KHDRBS3: variants seen among roughly 807,000 people sequenced by gnomAD.
The protein encoded by KHDRBS3 is KH domain-containing, RNA-binding, signal transduction-associated protein 3.
In KHDRBS3, 23 loss-of-function variants were observed where a neutral mutation model predicts 45.6. The ratio of observed to expected loss-of-function variants is 0.50; its 90% CI spans 0.36 to 0.72. KHDRBS3 has a LOEUF of 0.72. KHDRBS3 is among the 30% of genes least tolerant of loss of function. The pLI is 0.00. For synonymous variants in KHDRBS3, 162 were observed against 156.5 expected (o/e 1.04, Z -0.26); for missense variants, 352 against 424.8 (o/e 0.83, Z 1.51).
intron 8 of KHDRBS3, among the ~76,000 whole-genome samples, chr8:135,646,421 G>T (rs1398904259): frequency 6.6e-6 from 1 of 152,158 alleles, no homozygotes; most frequent in African/African-American, 2.4e-5. Flanking sequence ...TATTCATGAA[G>T]TGCTATTGAG....
chr8:135,567,758 A>T (rs921352795), intron 5 of KHDRBS3, among the ~76,000 whole-genome samples: 1 of 152,240 alleles, frequency 6.6e-6, no homozygotes, highest in African/African-American at 2.4e-5. Flanking sequence ...TATATATTCC[A>T]TGTGGCCTTC....
At chr8:135,540,150 G>T (rs914531512) in intron 2 of KHDRBS3, 3 of 152,102 alleles carry the variant, frequency 2.0e-5, no homozygotes, top group African/African-American at 7.2e-5. Flanking sequence ...GAAATAAAAA[G>T]GCATAAATTT....
intron 4 of KHDRBS3, chr8:135,549,706 A>G (rs1258684157): frequency 6.6e-6 from 1 of 152,230 alleles, no homozygotes; most frequent in African/African-American, 2.4e-5. Context: ...ACATCTGCCA[A>G]GTAGTTCTCT....
chr8:135,464,750 T>G (rs1452777151), intron 1 of KHDRBS3, among the ~76,000 whole-genome samples: 13 of 152,106 alleles, frequency 8.5e-5, no homozygotes, highest in Non-Finnish European at 1.6e-4. Context: ...CTTAAAAGAG[T>G]AAGTCATTTT....
At chr8:135,527,819 A>G (rs1312004762) in intron 2 of KHDRBS3, among the ~76,000 whole-genome samples, 1 of 152,242 alleles carries the variant, frequency 6.6e-6, no homozygotes, top group Admixed American at 6.5e-5. Context: ...AATTATTTGA[A>G]AAAGCGAACC....
At chr8:135,528,116 A>G (rs1825284689) in intron 2 of KHDRBS3, among the ~76,000 whole-genome samples, 1 of 152,146 alleles carries the variant, frequency 6.6e-6, no homozygotes, top group Non-Finnish European at 1.5e-5. Flanking sequence ...AAGCATTCTC[A>G]TCTGTGTACA....
chr8:135,612,311 A>G (rs921587783), intron 7 of KHDRBS3, among the ~76,000 whole-genome samples: 10 of 151,942 alleles, frequency 6.6e-5, no homozygotes, highest in African/African-American at 2.4e-4. Context: ...ATTCTGCTTC[A>G]ATATGCACTA....
intron 7 of KHDRBS3, among the ~76,000 whole-genome samples, chr8:135,623,952 C>G (rs1372434403): frequency 4.6e-5 from 7 of 152,060 alleles, no homozygotes; most frequent in African/African-American, 1.4e-4. Flanking sequence ...TTTGCAGAGT[C>G]CTGCAAATGA....
At chr8:135,580,605 C>CTTTTT (rs11405340) in intron 5 of KHDRBS3, among the ~76,000 whole-genome samples, 17 of 128,868 alleles carry the variant, frequency 1.3e-4, no homozygotes, top group Non-Finnish European at 2.1e-4. Context: ...CTCTCTCTCT[C>CTTTTT]TTTTTTTTTT....
In KHDRBS3 at chr8:135,457,954, G is replaced by A. The variant is rs191294793; in HGVS notation, c.88G>A (p.Glu30Lys). ...GCACGCCCTGCGCCTGGTGAACCAA[G>A]GTGAGGCGCCGGCCGTTAACTGCCG... is the stretch of plus-strand genomic sequence containing the variant. The part of the protein sequence containing the change: ...FTHALRLVNQ[E>K]IEKFQKGEGK... The change falls in exon 1 of 9, where the codon GAA becomes AAA. Residue 30 changes from glutamate (E) to lysine (K), a missense_variant and splice_region_variant. Glu to Lys is a moderately conservative substitution (Grantham distance 56, BLOSUM62 1). This residue lies in a region of KHDRBS3 where 58 missense variants were observed against 64.5 expected (regional missense o/e 0.90). Coordinates refer to ENST00000355849, the MANE Select transcript of KHDRBS3 (RefSeq NM_006558.3). This position sits in a 1 kb window ranked among gnomAD's most constrained non-coding sequence, Gnocchi z 4.4. 1.9e-6 allele frequency: 3 copies of A among 1,592,150 alleles called. No individual in the cohort carries two copies. The Admixed American group carries it at 5.2e-5, about 27-fold the overall frequency.
At chr8:135,534,842 C>T (rs957552045) in intron 2 of KHDRBS3, among the ~76,000 whole-genome samples, 13 of 152,166 alleles carry the variant, frequency 8.5e-5, no homozygotes, top group Non-Finnish European at 1.9e-4. Context: ...TTCTGCTTTT[C>T]TCATCTTGGA....
intron 7 of KHDRBS3, among the ~76,000 whole-genome samples, chr8:135,639,407 A>T (rs1467284858): frequency 6.6e-6 from 1 of 152,194 alleles, no homozygotes; most frequent in Non-Finnish European, 1.5e-5. Context: ...TATTTGAAGG[A>T]TCATCCTCCC....
intron 4 of KHDRBS3, among the ~76,000 whole-genome samples, chr8:135,653,356 A>T (rs1480346914): frequency 6.6e-6 from 1 of 152,194 alleles, no homozygotes; most frequent in Non-Finnish European, 1.5e-5. Context: ...CGAATGAGTG[A>T]ACAAATGAAC....
chr8:135,492,634 C>A (rs1036543009), intron 1 of KHDRBS3, among the ~76,000 whole-genome samples: 2 of 151,494 alleles, frequency 1.3e-5, no homozygotes, highest in African/African-American at 2.4e-5. Context: ...ATTCTGAACA[C>A]CATTCCGTTC....
At chr8:135,484,549 AC>A (rs1822747872) in intron 1 of KHDRBS3, among the ~76,000 whole-genome samples, 1 of 152,138 alleles carries the variant, frequency 6.6e-6, no homozygotes, top group Non-Finnish European at 1.5e-5. Context: ...TGTGTCTAAA[AC>A]TTCACCTTTG....
intron 3 of KHDRBS3, among the ~76,000 whole-genome samples, chr8:135,548,449 T>C (rs756911249): frequency 1.1e-4 from 17 of 152,060 alleles, no homozygotes; most frequent in Admixed American, 5.2e-4. Context: ...CAAAGGAGAC[T>C]GGAGAAGGTG....
intron 6 of KHDRBS3, among the ~76,000 whole-genome samples, chr8:135,586,384 T>C (rs1472094414): frequency 2.0e-5 from 3 of 152,112 alleles, no homozygotes; most frequent in Non-Finnish European, 2.9e-5. Context: ...TCTTCATCTT[T>C]GGAGAAAGTG....
rs371028327 is a variant in KHDRBS3 at position 135,571,139 on chromosome 8, G to A, written c.612-10739G>A. On this transcript the variant is annotated intron_variant, in intron 5 of 8. Coordinates refer to ENST00000355849, the MANE Select transcript of KHDRBS3 (RefSeq NM_006558.3). ...CTCAGCCAGCACTTTTACATGTCCC[G>A]TGCAACATAAAGCTGGAGAAATGTT... is the stretch of plus-strand genomic sequence containing the variant. Among the ~76,000 whole-genome samples, 10 of 152,252 alleles carry A rather than the reference G, an allele frequency of 6.6e-5. No homozygotes were observed. In the South Asian group the frequency reaches 8.3e-4, roughly 13 times the overall value.
intron 6 of KHDRBS3, among the ~76,000 whole-genome samples, chr8:135,586,395 T>C (rs1828476671): frequency 6.6e-6 from 1 of 152,122 alleles, no homozygotes; most frequent in South Asian, 2.1e-4. Flanking sequence ...GGAGAAAGTG[T>C]AACAGATGCT....
Sources: gnomAD v4.1 joint callset for allele counts (sites outside exome capture counted in the v4.1 genomes callset) on GRCh38, gnomAD v4.1.1 for gene constraint, gnomAD v4.1.1 regional missense constraint, Gnocchi (gnomAD v3.1) non-coding constraint, MANE v1.5 for transcripts, NCBI Gene and HGNC (gene_info 2026-07-23, HGNC 2026-07-21) for gene names.